The following DLEU7 variants were observed in gnomAD, a reference collection of about 807,000 sequenced individuals.
The protein encoded by DLEU7 is leukemia-associated protein 7.
DLEU7 carries 17 observed loss-of-function variants against 16.0 expected under a neutral mutation model. The observed-to-expected ratio is 1.06, with a 90% CI of 0.73 to 1.59. The LOEUF is 1.59. Ranked by LOEUF, DLEU7 falls within the 40% of genes most tolerant of loss-of-function variation. DLEU7 has a pLI of 0.00. For synonymous variants in DLEU7, 113 were observed against 139.8 expected (o/e 0.81, Z 1.35); for missense variants, 308 against 314.9 (o/e 0.98, Z 0.17).
At chr13:50,774,955 A>G (rs182094217) in intron 1 of DLEU7, among the ~76,000 whole-genome samples, 56 of 152,152 alleles carry the variant, frequency 3.7e-4, no homozygotes, top group African/African-American at 1.3e-3. Context: ...TACGATTTAC[A>G]TATCATTTCT....
chr13:50,739,299 A>G (rs866283947), intron 1 of DLEU7, among the ~76,000 whole-genome samples: 25 of 152,166 alleles, frequency 1.6e-4, no homozygotes, highest in African/African-American at 5.5e-4. Context: ...ATTGTGGTCC[A>G]GATTAGAAGA....
intron 1 of DLEU7, among the ~76,000 whole-genome samples, chr13:50,833,551 A>AAATGG (rs1216987283): frequency 9.9e-5 from 15 of 152,242 alleles, no homozygotes; most frequent in African/African-American, 3.4e-4. Flanking sequence ...GGACATAAAG[A>AAATGG]AATGGAAAAA....
At chr13:50,758,355 G>T (rs1432131951) in intron 1 of DLEU7, among the ~76,000 whole-genome samples, 2 of 151,528 alleles carry the variant, frequency 1.3e-5, no homozygotes, top group African/African-American at 2.4e-5. Flanking sequence ...GTTAATTAAG[G>T]TTTCTTTTGT....
intron 1 of DLEU7, among the ~76,000 whole-genome samples, chr13:50,813,921 C>T (rs1876644729): frequency 6.6e-6 from 1 of 152,072 alleles, no homozygotes; most frequent in Non-Finnish European, 1.5e-5. Context: ...ACTTAAAAGT[C>T]AGACCCACAC....
At position 50,758,401 on chromosome 13, in the gene DLEU7, C is replaced by T. The variant is rs554386147; in HGVS notation, c.460-45161G>A. Among the ~76,000 whole-genome samples the T allele has an allele frequency of 2.9e-3, 447 of 152,226 alleles. 2 individuals carry two copies. The highest frequency in any genetic ancestry group is 0.01 in the African/African-American group (431 of 41,524). On this transcript the variant is annotated intron_variant, in intron 1 of 1. Coordinates refer to the DLEU7 transcript ENST00000400393. ...CTCTTGTATTAGTTATCCACTGCTG[C>T]ATAACAAATGGCCCCCAAAGTGAGC... is the stretch of plus-strand genomic sequence containing the variant.
At chr13:50,790,541 T>A (rs913336002) in intron 1 of DLEU7, among the ~76,000 whole-genome samples, 1 of 152,140 alleles carries the variant, frequency 6.6e-6, no homozygotes, top group Non-Finnish European at 1.5e-5. Flanking sequence ...ATCATTCTTG[T>A]TCAGAGACAG....
chr13:50,713,475 A>G (rs543353252), intron 1 of DLEU7, among the ~76,000 whole-genome samples: 1 of 152,328 alleles, frequency 6.6e-6, no homozygotes, highest in South Asian at 2.1e-4. Flanking sequence ...AGACTTCTCT[A>G]TAGCTATCTT....
chr13:50,795,025 T>G (rs952246454), intron 1 of DLEU7, among the ~76,000 whole-genome samples: 1 of 143,986 alleles, frequency 6.9e-6, no homozygotes, highest in African/African-American at 2.6e-5. Context: ...AATTAAGAAT[T>G]AAATATTCTA....
intron 1 of DLEU7, among the ~76,000 whole-genome samples, chr13:50,832,313 T>G (rs540419513): frequency 4.6e-5 from 7 of 152,350 alleles, no homozygotes; most frequent in African/African-American, 1.4e-4. Context: ...TTTGTATTTC[T>G]TTGGGATCAG....
At chr13:50,772,285 T>G (rs569623707) in intron 1 of DLEU7, among the ~76,000 whole-genome samples, 2 of 152,336 alleles carry the variant, frequency 1.3e-5, no homozygotes, top group South Asian at 4.1e-4. Flanking sequence ...AATATTGTTA[T>G]GTGTGAATTC....
chr13:50,768,151 A>G (rs73495603), intron 1 of DLEU7, among the ~76,000 whole-genome samples: 2,775 of 152,230 alleles, frequency 0.018, 98 homozygotes, highest in African/African-American at 0.063. Flanking sequence ...TTCCGGTAAT[A>G]TGGGTCTGCT....
intron 1 of DLEU7, among the ~76,000 whole-genome samples, chr13:50,811,245 G>A (rs1271815928): frequency 1.3e-5 from 2 of 152,110 alleles, no homozygotes; most frequent in Admixed American, 1.3e-4. Context: ...GTGCAAATTA[G>A]AACAGTTTAG....
At chr13:50,718,110 T>C (rs1873490109) in intron 1 of DLEU7, among the ~76,000 whole-genome samples, 3 of 152,282 alleles carry the variant, frequency 2.0e-5, no homozygotes, top group South Asian at 2.1e-4. Flanking sequence ...GTGATTTCTA[T>C]GAATATTGAA....
At chr13:50,744,863 C>G (rs944206448) in intron 1 of DLEU7, among the ~76,000 whole-genome samples, 2 of 152,084 alleles carry the variant, frequency 1.3e-5, no homozygotes, top group Non-Finnish European at 2.9e-5. Context: ...ATCAAAACAA[C>G]GTTGGACCAC....
intron 1 of DLEU7, among the ~76,000 whole-genome samples, chr13:50,811,832 G>A (rs1417077189): frequency 3.3e-5 from 5 of 152,136 alleles, no homozygotes; most frequent in Non-Finnish European, 5.9e-5. Flanking sequence ...ACTTCGGGAG[G>A]CCAAGGCAGG....
intron 1 of DLEU7, among the ~76,000 whole-genome samples, chr13:50,721,224 G>T (rs572762495): frequency 3.9e-5 from 6 of 152,108 alleles, no homozygotes; most frequent in Non-Finnish European, 8.8e-5. Flanking sequence ...TTGGACTCTC[G>T]CACTTAGACC....
chr13:50,748,759 G>C (rs1015408930), intron 1 of DLEU7, among the ~76,000 whole-genome samples: 20 of 151,996 alleles, frequency 1.3e-4, no homozygotes, highest in Non-Finnish European at 1.3e-4. Context: ...GGAAGGAGAA[G>C]GAGAAGAAAA....
intron 1 of DLEU7, among the ~76,000 whole-genome samples, chr13:50,771,323 C>T (rs1410440428): frequency 6.6e-6 from 1 of 152,108 alleles, no homozygotes; most frequent in Admixed American, 6.5e-5. Context: ...AATTTGTTTG[C>T]TCTTGCTTCT....
chr13:50,747,520 A>T (rs749319805), intron 1 of DLEU7, among the ~76,000 whole-genome samples: 7 of 151,982 alleles, frequency 4.6e-5, no homozygotes, highest in Non-Finnish European at 5.9e-5. Flanking sequence ...TCTCTCCCTC[A>T]CCTCCTTTCA....
Sources: allele counts gnomAD v4.1 joint callset (sites outside exome capture counted in the v4.1 genomes callset), GRCh38; gene constraint gnomAD v4.1.1; transcripts MANE v1.5; gene names NCBI Gene and HGNC (gene_info 2026-07-23, HGNC 2026-07-21).